BLVRA: variants seen among roughly 807,000 people sequenced by gnomAD.
The protein encoded by BLVRA is biliverdin reductase A, also known as BVR A.
A neutral mutation model predicts 32.8 loss-of-function variants in BLVRA; 22 were observed. The ratio of observed to expected loss-of-function variants is 0.67; its 90% CI spans 0.48 to 0.96. The LOEUF (loss-of-function observed/expected upper bound fraction) is 0.96. Ranked by LOEUF, BLVRA falls within the 40% of genes least tolerant of loss-of-function variation. The pLI, the probability that BLVRA is intolerant of heterozygous loss-of-function variation, is 0.00. For missense variants in BLVRA, 323 were observed against 358.1 expected (o/e 0.90, Z 0.79); for synonymous variants, 119 against 141.3 (o/e 0.84, Z 1.12).
chr7:43,761,002 C>T (rs546360998), intron 1 of BLVRA, among the ~76,000 whole-genome samples: 14 of 152,304 alleles, frequency 9.2e-5, no homozygotes, highest in African/African-American at 3.4e-4. Flanking sequence ...CTCCTGACCT[C>T]AAGTAATCCA....
intron 1 of BLVRA, among the ~76,000 whole-genome samples, chr7:43,769,241 G>A (rs903105909): frequency 1.3e-5 from 2 of 151,972 alleles, no homozygotes; most frequent in South Asian, 2.1e-4. Flanking sequence ...TGTTGCCCAA[G>A]CTGGTCTCGG....
chr7:43,805,091 C>T (rs2095802689), intron 7 of BLVRA, among the ~76,000 whole-genome samples: 1 of 152,216 alleles, frequency 6.6e-6, no homozygotes, highest in African/African-American at 2.4e-5. Flanking sequence ...CAGACCTATA[C>T]ACAGACAGTT....
intron 3 of BLVRA, 65 bp downstream of exon 3, chr7:43,788,090 G>A: frequency 1.2e-6 from 2 of 1,613,220 alleles, no homozygotes; most frequent in Non-Finnish European, 1.7e-6. Context: ...TTAGCTGCAG[G>A]ACATGGAGAT....
At chr7:43,767,161 A>G (rs1352919048) in intron 1 of BLVRA, 6 of 503,674 alleles carry the variant, frequency 1.2e-5, no homozygotes, top group African/African-American at 9.7e-5. Context: ...CAGATTATGT[A>G]GGAAAACAAT....
At chr7:43,768,850 C>A (rs544620985) in intron 1 of BLVRA, among the ~76,000 whole-genome samples, 1 of 151,990 alleles carries the variant, frequency 6.6e-6, no homozygotes, top group Non-Finnish European at 1.5e-5. Flanking sequence ...TCTTCATGCA[C>A]CCTCCTACTT....
chr7:43,760,109 A>C (rs2095740680), intron 1 of BLVRA: 1 of 149,818 alleles, frequency 6.7e-6, no homozygotes, highest in East Asian at 2.0e-4. Flanking sequence ...TTCTGACCTC[A>C]GGTGATCCAC....
chr7:43,807,003 G>T lies in BLVRA; in HGVS notation c.659G>T (p.Gly220Val), dbSNP rs763665309. ...CCACTGTCATGGATTGAAGAAAAAG[G>T]ACCTGGTCTAAAACGAAACAGATAT... ...KSPLSWIEEK[G>V]PGLKRNRYLS... Residue 220 changes from glycine to valine, a missense_variant, in exon 8 of 8, where the codon GGA becomes GTA. Transcript: ENST00000265523. 3 of 1,613,986 alleles carry T rather than the reference G, an allele frequency of 1.9e-6. No homozygotes were observed. Among genetic ancestry groups the T allele is most frequent in the Admixed American group, 1.7e-5 (1 of 59,996 alleles).
At chr7:43,802,349 A>G (rs1204768755) in intron 6 of BLVRA, among the ~76,000 whole-genome samples, 2 of 152,218 alleles carry the variant, frequency 1.3e-5, no homozygotes, top group Non-Finnish European at 2.9e-5. Context: ...AGTGAATATC[A>G]AGGTCATAAG....
At chr7:43,775,440 CGT>C (rs1260933437) in intron 2 of BLVRA, among the ~76,000 whole-genome samples, 2 of 151,952 alleles carry the variant, frequency 1.3e-5, no homozygotes, top group African/African-American at 2.4e-5. Context: ...GCTGGATTAC[CGT>C]TATTGATTTG....
In BLVRA at chr7:43,807,143, T is replaced by C. The variant is rs781299821; in HGVS notation, c.799T>C (p.Ser267Pro). 2 of 1,614,068 alleles carry C rather than the reference T, an allele frequency of 1.2e-6. No individual in the cohort carries two copies. The highest frequency in any genetic ancestry group is 8.5e-7 in the Non-Finnish European group (1 of 1,180,002). Reference sequence around the variant, plus strand: ...TGTCCAGAAACTCTTGGGCCAGTTCTCTGAGAAGGAACTGGCTGCTGAAAA... The same window carrying C: ...TGTCCAGAAACTCTTGGGCCAGTTCCCTGAGAAGGAACTGGCTGCTGAAAA... ...IFVQKLLGQF[S>P]EKELAAEKKR... Residue 267 changes from serine (S) to proline (P), a missense_variant, in exon 8 of 8, where the codon TCT becomes CCT. Ser to Pro is a moderately conservative substitution (Grantham distance 74). Transcript: ENST00000265523.
At chr7:43,793,729 T>C (rs1389957395) in intron 5 of BLVRA, among the ~76,000 whole-genome samples, 1 of 151,370 alleles carries the variant, frequency 6.6e-6, no homozygotes, top group Non-Finnish European at 1.5e-5. Flanking sequence ...GTTCAAGGGA[T>C]TCTCCTTCCT....
intron 6 of BLVRA, among the ~76,000 whole-genome samples, chr7:43,802,833 G>T (rs1014427139): frequency 1.1e-4 from 16 of 152,296 alleles, no homozygotes; most frequent in Middle Eastern, 6.8e-3. Flanking sequence ...TGCCTCCCGG[G>T]CTAAAGTGAT....
intron 2 of BLVRA, among the ~76,000 whole-genome samples, chr7:43,785,751 T>G (rs2095776677): frequency 6.6e-6 from 1 of 152,186 alleles, no homozygotes; most frequent in South Asian, 2.1e-4. Context: ...ATAACAACAG[T>G]ACAAGGTCTA....
intron 7 of BLVRA, 121 bp from the exon 8 acceptor site, chr7:43,806,856 T>G: frequency 9.1e-7 from 1 of 1,104,758 alleles, no homozygotes; most frequent in South Asian, 1.3e-5. Flanking sequence ...GGGAGGCTGG[T>G]GGCTGCAAGG....
intron 5 of BLVRA, among the ~76,000 whole-genome samples, chr7:43,796,564 A>G (rs1182107222): frequency 6.6e-6 from 1 of 152,212 alleles, no homozygotes; most frequent in African/African-American, 2.4e-5. Flanking sequence ...ACTCAAATGG[A>G]TTAAAGAACT....
At chr7:43,785,582 T>C (rs527732714) in intron 2 of BLVRA, among the ~76,000 whole-genome samples, 3 of 152,164 alleles carry the variant, frequency 2.0e-5, no homozygotes, top group Non-Finnish European at 4.4e-5. Flanking sequence ...TTCAGTCAGA[T>C]GTGTGAGCCA....
At chr7:43,779,272 C>T (rs948958262) in intron 2 of BLVRA, among the ~76,000 whole-genome samples, 3 of 152,196 alleles carry the variant, frequency 2.0e-5, no homozygotes, top group African/African-American at 4.8e-5. Flanking sequence ...TGTTCCTATT[C>T]GGCCATCTTG....
intron 5 of BLVRA, among the ~76,000 whole-genome samples, chr7:43,797,616 G>A (rs1013446622): frequency 1.3e-5 from 2 of 152,098 alleles, no homozygotes; most frequent in African/African-American, 4.8e-5. Context: ...ATCAAAATCT[G>A]GAAATTGGCA....
At chr7:43,790,218 G>A (rs1395467711) in intron 3 of BLVRA, among the ~76,000 whole-genome samples, 1 of 152,070 alleles carries the variant, frequency 6.6e-6, no homozygotes, top group South Asian at 2.1e-4. Context: ...GCTGCACTGG[G>A]AGGTGTACGG....
Sources: gnomAD v4.1 joint callset for allele counts (sites outside exome capture counted in the v4.1 genomes callset) on GRCh38, gnomAD v4.1.1 for gene constraint, MANE v1.5 for transcripts, NCBI Gene and HGNC (gene_info 2026-07-23, HGNC 2026-07-21) for gene names.